SOX6: variants seen among roughly 807,000 people sequenced by gnomAD.
The protein encoded by SOX6 is transcription factor SOX-6.
SOX6 carries 11 observed loss-of-function variants against 97.8 expected under a neutral mutation model. That is an observed-to-expected ratio of 0.11 (90% CI 0.07 to 0.19). The LOEUF is 0.19. Ranked by LOEUF, SOX6 falls within the 10% of genes least tolerant of loss-of-function variation. The pLI, the probability that SOX6 is intolerant of heterozygous loss-of-function variation, is 1.00. For missense variants in SOX6, 810 were observed against 1,039.5 expected (o/e 0.78, Z 3.04); for synonymous variants, 360 against 371.4 (o/e 0.97, Z 0.35).
At chr11:16,678,475 G>A (rs543351467) in intron 3 of SOX6, among the ~76,000 whole-genome samples, 3 of 152,182 alleles carry the variant, frequency 2.0e-5, no homozygotes, top group South Asian at 2.1e-4. Flanking sequence ...ATCTGAAACC[G>A]GTACCACTTC....
intron 13 of SOX6, among the ~76,000 whole-genome samples, chr11:16,013,695 A>T (rs1354178055): frequency 2.2e-4 from 34 of 151,624 alleles, no homozygotes; most frequent in Non-Finnish European, 2.9e-5. Flanking sequence ...ATTTATTTTA[A>T]CACCTGGTCT....
intron 4 of SOX6, among the ~76,000 whole-genome samples, chr11:16,555,170 T>C (rs900521526): frequency 2.0e-5 from 3 of 151,828 alleles, no homozygotes; most frequent in Non-Finnish European, 4.4e-5. Context: ...ACAGAATCTG[T>C]GGCCTCAATG....
At chr11:16,163,228 G>A (rs776531250) in intron 6 of SOX6, among the ~76,000 whole-genome samples, 2 of 152,152 alleles carry the variant, frequency 1.3e-5, no homozygotes, top group Non-Finnish European at 2.9e-5. Context: ...ACACACATGT[G>A]TATGTATGTG....
chr11:16,471,445 A>G (rs969527159), intron 1 of SOX6, among the ~76,000 whole-genome samples: 7 of 142,474 alleles, frequency 4.9e-5, no homozygotes, highest in Non-Finnish European at 1.1e-4. Context: ...CACCTTCCTT[A>G]TCTCACAGAC....
chr11:16,308,436 T>G (rs1855501276), intron 3 of SOX6, among the ~76,000 whole-genome samples: 1 of 152,182 alleles, frequency 6.6e-6, no homozygotes, highest in Admixed American at 6.5e-5. Flanking sequence ...ATCAATTAAT[T>G]AATTATTAGA....
intron 1 of SOX6, among the ~76,000 whole-genome samples, chr11:16,471,853 C>T (rs772980528): frequency 2.0e-5 from 3 of 152,186 alleles, no homozygotes; most frequent in Admixed American, 6.5e-5. Flanking sequence ...ATGCCCTAAA[C>T]AAGCATATGT....
chr11:16,642,482 C>T (rs1018536679), intron 3 of SOX6, among the ~76,000 whole-genome samples: 7 of 152,248 alleles, frequency 4.6e-5, no homozygotes, highest in South Asian at 2.1e-4. Context: ...AGATTGGAGA[C>T]GTTCTCGTGG....
At chr11:16,571,932 C>T (rs539067014) in intron 4 of SOX6, among the ~76,000 whole-genome samples, 4 of 152,304 alleles carry the variant, frequency 2.6e-5, no homozygotes, top group South Asian at 4.1e-4. Context: ...GGATTACAGG[C>T]GTGAGCCACT....
intron 6 of SOX6, among the ~76,000 whole-genome samples, chr11:16,166,415 T>C (rs1298950815): frequency 6.6e-6 from 1 of 152,222 alleles, no homozygotes; most frequent in Non-Finnish European, 1.5e-5. Context: ...GATGAACATA[T>C]AATGGAAGAA....
intron 6 of SOX6, among the ~76,000 whole-genome samples, chr11:16,134,831 T>A (rs2134028593): frequency 6.6e-6 from 1 of 152,302 alleles, no homozygotes; most frequent in South Asian, 2.1e-4. Flanking sequence ...ATTAGGCCAA[T>A]TAATAACTCT....
At chr11:16,379,062 C>T (rs56030154) in intron 1 of SOX6, among the ~76,000 whole-genome samples, 13,204 of 152,144 alleles carry the variant, frequency 0.087, 660 homozygotes, top group Non-Finnish European at 0.11. Context: ...CTCAAGTTTA[C>T]AGAGCTGTTG....
At chr11:16,497,557 T>C (rs1312236490) in intron 4 of SOX6, among the ~76,000 whole-genome samples, 2 of 151,486 alleles carry the variant, frequency 1.3e-5, no homozygotes, top group African/African-American at 4.9e-5. Context: ...GCAAAGAAGT[T>C]AAAAACCTTG....
chr11:16,221,739 G>A (rs960288566), intron 4 of SOX6, among the ~76,000 whole-genome samples: 2 of 152,046 alleles, frequency 1.3e-5, no homozygotes, highest in Non-Finnish European at 2.9e-5. Context: ...TACTTTTAAA[G>A]ACTTTTCTGA....
intron 12 of SOX6, among the ~76,000 whole-genome samples, chr11:16,026,248 TA>T (rs1855213497): frequency 6.6e-6 from 1 of 152,174 alleles, no homozygotes; most frequent in Non-Finnish European, 1.5e-5. Flanking sequence ...AAATCACGCC[TA>T]AAAAAATTCT....
intron 4 of SOX6, among the ~76,000 whole-genome samples, chr11:16,537,722 A>G (rs924748276): frequency 3.3e-5 from 5 of 152,218 alleles, no homozygotes; most frequent in Non-Finnish European, 7.3e-5. Context: ...AAGAAAGCAT[A>G]TCAGTGATTG....
At chr11:16,469,934 A>G (rs1215616131) in intron 1 of SOX6, among the ~76,000 whole-genome samples, 1 of 152,104 alleles carries the variant, frequency 6.6e-6, no homozygotes, top group Non-Finnish European at 1.5e-5. Context: ...GGCAAAAAGA[A>G]CAAGTATCTA....
intron 9 of SOX6, among the ~76,000 whole-genome samples, chr11:16,090,183 G>A (rs575557908): frequency 4.6e-5 from 7 of 152,060 alleles, no homozygotes; most frequent in African/African-American, 1.7e-4. Flanking sequence ...TTAATTAGTG[G>A]GGCTAGAGCT....
chr11:16,356,748 G>A (rs1039860821), upstream of SOX6, among the ~76,000 whole-genome samples: 2 of 152,100 alleles, frequency 1.3e-5, no homozygotes, highest in Non-Finnish European at 2.9e-5. Context: ...TTCAGGCCAG[G>A]TCCATTCTGT....
chr11:16,439,109 A>G (rs942088214), intron 1 of SOX6, among the ~76,000 whole-genome samples: 22 of 152,186 alleles, frequency 1.4e-4, no homozygotes, highest in Non-Finnish European at 1.5e-5. Flanking sequence ...GGCAGAGAAA[A>G]TGAAATTAAA....
Sources: gnomAD v4.1 joint callset for allele counts (sites outside exome capture counted in the v4.1 genomes callset) on GRCh38, gnomAD v4.1.1 for gene constraint, MANE v1.5 for transcripts, NCBI Gene and HGNC (gene_info 2026-07-23, HGNC 2026-07-21) for gene names.